Variants in CAMTA1 observed in about 807,000 individuals in gnomAD.
CAMTA1 encodes calmodulin-binding transcription activator 1.
CAMTA1 carries 27 observed loss-of-function variants against 170.9 expected under a neutral mutation model. That is an observed-to-expected ratio of 0.16 (90% CI 0.12 to 0.22). The LOEUF (loss-of-function observed/expected upper bound fraction) is 0.22. Among genes scored for constraint, CAMTA1 ranks in the 10% least tolerant of loss-of-function variants. The pLI is 1.00. For synonymous variants in CAMTA1, 833 were observed against 891.5 expected (o/e 0.93, Z 1.17); for missense variants, 1,619 against 2,217.2 (o/e 0.73, Z 5.42).
chr1:7,130,207 C>T (rs1056923013), intron 4 of CAMTA1, among the ~76,000 whole-genome samples: 5 of 152,028 alleles, frequency 3.3e-5, no homozygotes, highest in African/African-American at 9.7e-5. Context: ...CCAAAGTGCT[C>T]GGATTACAGG....
intron 1 of CAMTA1, among the ~76,000 whole-genome samples, chr1:6,798,796 C>T (rs1570053958): frequency 6.6e-6 from 1 of 151,064 alleles, no homozygotes; most frequent in East Asian, 2.0e-4. Context: ...CGGGGTTTCA[C>T]CTTGTTAGCC....
rs780483562 is a variant in CAMTA1 at position 7,677,715 on chromosome 1, G to A, written c.2896G>A (p.Asp966Asn). The A allele has an allele frequency of 9.3e-6, 15 of 1,613,900 alleles. No individual in the cohort carries two copies. Among genetic ancestry groups the A allele is most frequent in the Non-Finnish European group, 1.3e-5 (15 of 1,179,944 alleles). ...GCCCACGCTCCCTTCCTCCCAGCAC[G>A]ACTGGCTGTCGTTGGACGGTAAGAA... ...ALPTLPSSQH[D>N]WLSLDDNQFR... The change falls in exon 11 of 23, where the codon GAC (aspartate) becomes AAC (asparagine). Residue 966 changes from aspartate (D) to asparagine (N), a missense_variant. By Grantham distance (23) the Asp-to-Asn change is conservative (BLOSUM62 1). Coordinates refer to ENST00000303635, the MANE Select transcript of CAMTA1 (RefSeq NM_015215.4).
chr1:6,897,127 T>G (rs1675812384), intron 3 of CAMTA1, among the ~76,000 whole-genome samples: 1 of 152,204 alleles, frequency 6.6e-6, no homozygotes, highest in Non-Finnish European at 1.5e-5. Context: ...CGACTCTGCC[T>G]GGTTCCCCAC....
At chr1:6,858,330 TAAG>T (rs919499245) in intron 3 of CAMTA1, among the ~76,000 whole-genome samples, 2 of 152,158 alleles carry the variant, frequency 1.3e-5, no homozygotes, top group Admixed American at 6.6e-5. Context: ...ATTACCCACT[TAAG>T]AAGTGACTGT....
At chr1:6,800,769 C>T (rs1643679402) in intron 1 of CAMTA1, among the ~76,000 whole-genome samples, 1 of 152,162 alleles carries the variant, frequency 6.6e-6, no homozygotes, top group Non-Finnish European at 1.5e-5. Flanking sequence ...CATATCACAT[C>T]TTCACTTGAA....
At chr1:6,876,364 A>T (rs2063314) in intron 3 of CAMTA1, among the ~76,000 whole-genome samples, 39,250 of 150,588 alleles carry the variant, frequency 0.26, 5,535 homozygotes, top group Admixed American at 0.36. Context: ...TTAATTAATT[A>T]ATTTTTTTTT....
At chr1:7,039,284 T>A (rs2101291006) in intron 3 of CAMTA1, among the ~76,000 whole-genome samples, 1 of 152,264 alleles carries the variant, frequency 6.6e-6, no homozygotes, top group African/African-American at 2.4e-5. Context: ...TTTACTATCA[T>A]CATCATCAAA....
chr1:7,744,978 T>C lies in CAMTA1; in HGVS notation c.4326T>C (p.Ser1442=). ...TISSTMSWLA[S]YLADADCLPS... ...GCAGTACAATGAGCTGGCTGGCCAG[T>C]TATCTAGCGGATGCTGACTGCCTTC... Residue 1442 remains serine, a synonymous_variant, in exon 17 of 23, where the codon AGT becomes AGC. Coordinates refer to ENST00000303635, the MANE Select transcript of CAMTA1 (RefSeq NM_015215.4). The C allele has an allele frequency of 1.2e-6, 2 of 1,614,124 alleles. No homozygotes were observed. Among genetic ancestry groups the C allele is most frequent in the Non-Finnish European group, 1.7e-6 (2 of 1,180,006 alleles).
Position 7,547,252 on chromosome 1 carries a change from G to C in CAMTA1, c.510+79351G>C, listed in dbSNP as rs541188971. On this transcript the variant is annotated intron_variant, in intron 6 of 22. Coordinates refer to ENST00000303635, the MANE Select transcript of CAMTA1 (RefSeq NM_015215.4). The surrounding 1 kb of genome is among the most constrained non-coding windows in gnomAD (Gnocchi z 5.7). The stretch of plus-strand genomic sequence containing the variant: ...CAAAGAAACCTGGTTTCTTTTAGTG[G>C]AAAGTGGTGTTTAGAAGCCAAGATC... Among the ~76,000 whole-genome samples the C allele has an allele frequency of 6.6e-6, 1 of 152,050 alleles. No homozygotes were observed. Among genetic ancestry groups the C allele is most frequent in the African/African-American group, 2.4e-5 (1 of 41,484 alleles).
At position 7,745,619 on chromosome 1, in the gene CAMTA1, G is replaced by A. The variant is rs141366075; in HGVS notation, c.4371-226G>A. Among the ~76,000 whole-genome samples, 235 of 152,280 alleles carry A rather than the reference G, an allele frequency of 1.5e-3. 2 individuals are homozygous for A. The highest frequency in any genetic ancestry group is 5.3e-3 in the African/African-American group (220 of 41,566). On this transcript the variant is annotated intron_variant, in intron 17 of 22. Transcript: ENST00000303635. ...TGGCAGTAGAGTGTACTGCTACTAG[G>A]TTTTAGTATTTAGCATAGTACTAAA...
intron 6 of CAMTA1, among the ~76,000 whole-genome samples, chr1:7,600,872 A>C (rs2095434932): frequency 6.6e-6 from 1 of 151,440 alleles, no homozygotes; most frequent in Non-Finnish European, 1.5e-5. Context: ...AAAGTCTCCC[A>C]TGTCTACCTC....
intron 5 of CAMTA1, among the ~76,000 whole-genome samples, chr1:7,379,828 G>A (rs2087143466): frequency 6.6e-6 from 1 of 152,190 alleles, no homozygotes; most frequent in African/African-American, 2.4e-5. Context: ...AGCTTTCCTT[G>A]TGTTCTCATT....
At chr1:7,728,243 A>G (rs993291278) in intron 11 of CAMTA1, among the ~76,000 whole-genome samples, 3 of 152,348 alleles carry the variant, frequency 2.0e-5, no homozygotes, top group South Asian at 2.1e-4. Flanking sequence ...GGCCTGACTC[A>G]GTGATGTCAG....
intron 3 of CAMTA1, among the ~76,000 whole-genome samples, chr1:6,839,408 C>A (rs113716981): frequency 0.018 from 2,688 of 151,958 alleles, 38 homozygotes; most frequent in South Asian, 0.033. Context: ...AAACAAAAAA[C>A]CCCCCCAAAA....
chr1:7,139,834 A>G (rs1281278620), intron 4 of CAMTA1, among the ~76,000 whole-genome samples: 1 of 152,130 alleles, frequency 6.6e-6, no homozygotes, highest in Non-Finnish European at 1.5e-5. Context: ...CGTGACTCAA[A>G]TTGTGCAGGT....
rs1484509278 is a variant in CAMTA1 at position 7,682,058 on chromosome 1, T to A, written c.2914+4325T>A. On this transcript the variant is annotated intron_variant, in intron 11 of 22. Coordinates refer to ENST00000303635, the MANE Select transcript of CAMTA1 (RefSeq NM_015215.4). The surrounding 1 kb of genome is among the most constrained non-coding windows in gnomAD (Gnocchi z 5.0). ...TAGACTTAGACTCTATTTTCAGTGC[T>A]TCTCAGGCAACTGAGCCTCCTTGCC... is the stretch of plus-strand genomic sequence containing the variant. Among the ~76,000 whole-genome samples, 1 of 151,778 alleles carries A rather than the reference T, an allele frequency of 6.6e-6. No homozygotes were observed. The highest frequency in any genetic ancestry group is 2.4e-5 in the African/African-American group (1 of 41,276).
intron 6 of CAMTA1, among the ~76,000 whole-genome samples, chr1:7,599,429 T>C (rs1482706545): frequency 2.0e-5 from 3 of 152,226 alleles, no homozygotes; most frequent in African/African-American, 7.2e-5. Flanking sequence ...GCGGGCTCTT[T>C]TCTTGTTCCA....
intron 5 of CAMTA1, among the ~76,000 whole-genome samples, chr1:7,359,878 C>G (rs1225474154): frequency 6.6e-6 from 1 of 152,146 alleles, no homozygotes; most frequent in African/African-American, 2.4e-5. Context: ...GTACCACAAA[C>G]GGCGTGGCTT....
rs190522004 is a variant in CAMTA1, at chr1:7,447,785, C to T, written c.439-20045C>T. 3.4e-4 allele frequency among the ~76,000 whole-genome samples: 52 copies of T among 152,354 alleles called. No individual in the cohort carries two copies. The East Asian group carries it at 4.8e-3, about 14-fold the overall frequency. On this transcript the variant is annotated intron_variant, in intron 5 of 22. Transcript: ENST00000303635. ...GGGTGGGGACACTGTCCTCTCCTGC[C>T]TTCCTGTGCTGAGTGTGAGGAACTC...
Sources: allele counts gnomAD v4.1 joint callset (sites outside exome capture counted in the v4.1 genomes callset), GRCh38; gene constraint gnomAD v4.1.1; non-coding constraint Gnocchi (gnomAD v3.1); transcripts MANE v1.5; gene names NCBI Gene and HGNC (gene_info 2026-07-23, HGNC 2026-07-21).